FANCB: variants seen among roughly 807,000 people sequenced by gnomAD.
The protein encoded by FANCB is FA complementation group B.
In FANCB, 5 loss-of-function variants were observed where a neutral mutation model predicts 38.9. That is an observed-to-expected ratio of 0.13 (90% CI 0.07 to 0.27). The LOEUF is 0.27. Ranked by LOEUF, FANCB falls within the 10% of genes least tolerant of loss-of-function variation. FANCB has a pLI of 1.00. For synonymous variants in FANCB, 236 were observed against 215.4 expected, an observed-to-expected ratio of 1.10 and a Z score of -0.84; for missense variants, 573 against 602.7, an observed-to-expected ratio of 0.95 and a Z score of 0.52.
chrX:14,826,142 G>T, the FANCB span, among the ~76,000 whole-genome samples: 1 of 111,909 alleles, frequency 8.9e-6, no homozygotes, highest in Non-Finnish European at 1.9e-5. Flanking sequence ...GAAGTTTTGG[G>T]GCTAGCTCTC....
Position 14,854,956 on chromosome X carries a change from T to C in FANCB, c.1198-1789A>G, listed in dbSNP as rs372534377. On this transcript the variant is annotated intron_variant, in intron 5 of 9. Coordinates refer to ENST00000650831, the MANE Select transcript of FANCB (RefSeq NM_001018113.3). Reference sequence around the variant, plus strand: ...GTGTGTTTTGCTTCTGAACCTTTTATAAATGGAATCACTCTGCATGTATCA... The same window carrying C: ...GTGTGTTTTGCTTCTGAACCTTTTACAAATGGAATCACTCTGCATGTATCA... Among the ~76,000 whole-genome samples the C allele has an allele frequency of 2.7e-5, 3 of 112,128 alleles. No homozygotes were observed. The South Asian group carries it at 1.1e-3, about 42-fold the overall frequency.
At chrX:14,761,869 T>C in the FANCB span, among the ~76,000 whole-genome samples, 1 of 111,174 alleles carries the variant, frequency 9.0e-6, no homozygotes, top group Admixed American at 9.6e-5. Flanking sequence ...AATGTGGTTG[T>C]AGGCATTAAG....
the FANCB span, among the ~76,000 whole-genome samples, chrX:14,803,588 G>T: frequency 8.9e-6 from 1 of 112,123 alleles, no homozygotes. Flanking sequence ...ATTACATTTC[G>T]AAATGCCTTT....
the FANCB span, among the ~76,000 whole-genome samples, chrX:14,757,095 G>A: frequency 1.8e-5 from 2 of 112,115 alleles, no homozygotes; most frequent in Admixed American, 1.9e-4. Context: ...TGTAGAGAGG[G>A]GAACTCTTAT....
chrX:14,782,235 C>G, the FANCB span, among the ~76,000 whole-genome samples: 2 of 111,301 alleles, frequency 1.8e-5, no homozygotes, highest in Non-Finnish European at 3.8e-5. Flanking sequence ...GGGGGACATT[C>G]AAAGATGGGG....
chrX:14,854,834 G>C (rs147714944), intron 5 of FANCB, among the ~76,000 whole-genome samples: 1 of 111,695 alleles, frequency 9.0e-6, no homozygotes, highest in African/African-American at 3.3e-5. Flanking sequence ...TTCTCCCCTG[G>C]AGTCAATACT....
chrX:14,764,281 C>A, the FANCB span, among the ~76,000 whole-genome samples: 5 of 110,851 alleles, frequency 4.5e-5, no homozygotes, highest in Non-Finnish European at 7.6e-5. Flanking sequence ...GACTGAGATC[C>A]CTGCTTTCTT....
chrX:14,834,026 A>C (rs1343273851), downstream of FANCB, among the ~76,000 whole-genome samples: 1 of 110,814 alleles, frequency 9.0e-6, no homozygotes. Context: ...CAAAAAAATC[A>C]CCTGGGGAGC....
At chrX:14,835,619 G>C (rs950478146), downstream of FANCB, among the ~76,000 whole-genome samples, 6 of 111,672 alleles carry the variant, frequency 5.4e-5, no homozygotes, top group African/African-American at 2.0e-4. Context: ...TACTGATGCT[G>C]TTCCTCCAGG....
At chrX:14,721,568 A>G in the FANCB span, among the ~76,000 whole-genome samples, 1 of 111,682 alleles carries the variant, frequency 9.0e-6, no homozygotes, top group Non-Finnish European at 1.9e-5. Flanking sequence ...TATGATCCTT[A>G]TAAGACCTAT....
the FANCB span, among the ~76,000 whole-genome samples, chrX:14,737,827 A>T: frequency 8.9e-6 from 1 of 112,020 alleles, no homozygotes. Context: ...ATTCCTTTCC[A>T]GACAAATAAG....
chrX:14,810,763 C>CT, the FANCB span, among the ~76,000 whole-genome samples: 11 of 111,881 alleles, frequency 9.8e-5, no homozygotes, highest in Admixed American at 2.8e-4. Context: ...TCCAGGAGAA[C>CT]TTCCCCAATC....
chrX:14,718,917 G>A, the FANCB span, among the ~76,000 whole-genome samples: 1 of 111,884 alleles, frequency 8.9e-6, no homozygotes. Flanking sequence ...CAGATTCAAA[G>A]GGAGGGGACA....
intron 1 of FANCB, among the ~76,000 whole-genome samples, chrX:14,872,512 T>C (rs2092503328): frequency 2.7e-5 from 3 of 110,466 alleles, no homozygotes; most frequent in Admixed American, 1.9e-4. Flanking sequence ...TGGAGGATGT[T>C]TGGCAGCTTC....
chrX:14,814,145 C>A, the FANCB span, among the ~76,000 whole-genome samples: 1 of 111,319 alleles, frequency 9.0e-6, no homozygotes, highest in Non-Finnish European at 1.9e-5. Context: ...AAACTGGATC[C>A]CTTCCTTACA....
chrX:14,864,803 C>T lies in FANCB; in HGVS notation c.708G>A (p.Val236=), dbSNP rs2147445876. The change falls in exon 3 of 10, where the codon GTG becomes GTA. Residue 236 remains valine, a synonymous_variant. Coordinates refer to ENST00000650831, the MANE Select transcript of FANCB (RefSeq NM_001018113.3). ...TTGCACAAATATGTACATAAGTCACCACACTGCTGTAAGCAGGAGGAATAA... is the reference window on the plus strand; with the variant it reads ...TTGCACAAATATGTACATAAGTCACTACACTGCTGTAAGCAGGAGGAATAA... ...IYIIPPAYSS[V]VTYVHICATE... The T allele has an allele frequency of 1.7e-6, 2 of 1,207,312 alleles. No homozygotes were observed. The highest frequency in any genetic ancestry group is 2.2e-6 in the Non-Finnish European group (2 of 891,326).
At chrX:14,707,773 T>C in the FANCB span, among the ~76,000 whole-genome samples, 1 of 110,145 alleles carries the variant, frequency 9.1e-6, no homozygotes, top group African/African-American at 3.3e-5. Context: ...TGTGTGTGTG[T>C]GCACGCGCGC....
chrX:14,753,216 C>T, the FANCB span, among the ~76,000 whole-genome samples: 1 of 111,491 alleles, frequency 9.0e-6, no homozygotes, highest in African/African-American at 3.3e-5. Flanking sequence ...ATCATCCCAG[C>T]AATGTCCTTT....
chrX:14,734,643 G>T, the FANCB span, among the ~76,000 whole-genome samples: 1 of 111,644 alleles, frequency 9.0e-6, no homozygotes, highest in Non-Finnish European at 1.9e-5. Flanking sequence ...TTTCTCTCTG[G>T]CTGCCCTTAA....
Sources: gnomAD v4.1 joint callset for allele counts (sites outside exome capture counted in the v4.1 genomes callset) on GRCh38, gnomAD v4.1.1 for gene constraint, MANE v1.5 for transcripts, NCBI Gene and HGNC (gene_info 2026-07-23, HGNC 2026-07-21) for gene names.